The following SV2C variants were observed in gnomAD, a reference collection of about 807,000 sequenced individuals.
The protein encoded by SV2C is solute carrier family 22 member B3.
A neutral mutation model predicts 79.7 loss-of-function variants in SV2C; 49 were observed. The observed-to-expected ratio is 0.61, with a 90% confidence interval of 0.49 to 0.78. SV2C has a LOEUF of 0.78. Ranked by LOEUF, SV2C falls within the 30% of genes least tolerant of loss-of-function variation. The pLI is 0.00. For synonymous variants in SV2C, 334 were observed against 333.2 expected (o/e 1.00, Z -0.03); for missense variants, 833 against 912.9 (o/e 0.91, Z 1.13).
the SV2C span, among the ~76,000 whole-genome samples, chr5:75,877,301 AAG>A: frequency 3.9e-5 from 6 of 152,096 alleles, no homozygotes; most frequent in Admixed American, 3.9e-4. Flanking sequence ...GAAGCAAATA[AAG>A]AGAGAAATAA....
At chr5:76,046,247 G>C in the SV2C span, among the ~76,000 whole-genome samples, 1 of 151,920 alleles carries the variant, frequency 6.6e-6, no homozygotes, top group Admixed American at 6.5e-5. Flanking sequence ...AAGACACTTT[G>C]ATCTTTATAA....
chr5:76,066,192 C>G, the SV2C span, among the ~76,000 whole-genome samples: 1 of 151,862 alleles, frequency 6.6e-6, no homozygotes, highest in East Asian at 1.9e-4. Context: ...AGACTTGGAA[C>G]CAACCCAAAT....
At chr5:75,967,838 C>A in the SV2C span, among the ~76,000 whole-genome samples, 19 of 152,184 alleles carry the variant, frequency 1.2e-4, no homozygotes, top group African/African-American at 4.6e-4. Flanking sequence ...TCTCCCAGCA[C>A]GCAGCTTGAG....
chr5:76,079,696 G>T, upstream of SV2C: 1 of 326,216 alleles, frequency 3.1e-6, no homozygotes, highest in Non-Finnish European at 6.1e-6. Flanking sequence ...AATTCTCAAA[G>T]GAGATCGTCT....
chr5:76,306,088 C>T (rs183080972), intron 12 of SV2C, among the ~76,000 whole-genome samples: 2 of 152,282 alleles, frequency 1.3e-5, no homozygotes, highest in Non-Finnish European at 1.5e-5. Context: ...CAATCTGTAA[C>T]CAGAGCTGGA....
At chr5:76,300,976 A>G in intron 11 of SV2C, 44 bp downstream of exon 11, 2 of 1,603,352 alleles carry the variant, frequency 1.2e-6, no homozygotes, top group Non-Finnish European at 1.7e-6. Flanking sequence ...TGCCCCTGCA[A>G]TCCAGAGGGA....
At chr5:76,059,485 T>A in the SV2C span, among the ~76,000 whole-genome samples, 1 of 106,942 alleles carries the variant, frequency 9.4e-6, no homozygotes, top group South Asian at 3.7e-4. Context: ...TCTGAAGAAA[T>A]CCTTTTTTTT....
chr5:75,974,385 T>A, the SV2C span, among the ~76,000 whole-genome samples: 1 of 152,150 alleles, frequency 6.6e-6, no homozygotes, highest in Admixed American at 6.6e-5. Flanking sequence ...AAGGGAAATG[T>A]CAGTAAAATA....
At chr5:76,042,964 GT>G in the SV2C span, among the ~76,000 whole-genome samples, 2 of 152,148 alleles carry the variant, frequency 1.3e-5, no homozygotes, top group Non-Finnish European at 2.9e-5. Flanking sequence ...ACTTTGATTG[GT>G]TTGGCCAATA....
the SV2C span, among the ~76,000 whole-genome samples, chr5:75,995,663 A>C: frequency 6.6e-6 from 1 of 152,136 alleles, no homozygotes; most frequent in Admixed American, 6.6e-5. Flanking sequence ...ATGTAGGTTA[A>C]AATGCTTTGA....
At chr5:75,934,302 C>CTTTTTTTTTTTTTTT in the SV2C span, among the ~76,000 whole-genome samples, 17 of 107,826 alleles carry the variant, frequency 1.6e-4, no homozygotes, top group African/African-American at 3.4e-4. Flanking sequence ...TTCTTTCTTT[C>CTTTTTTTTTTTTTTT]TTTTTTTTTT....
the SV2C span, among the ~76,000 whole-genome samples, chr5:75,873,751 T>TA: frequency 2.8e-3 from 427 of 152,026 alleles, 10 homozygotes; most frequent in East Asian, 0.035. Context: ...CCACAGAAAT[T>TA]AAAAAAAGAA....
chr5:75,971,771 A>G, the SV2C span, among the ~76,000 whole-genome samples: 1 of 152,160 alleles, frequency 6.6e-6, no homozygotes, highest in African/African-American at 2.4e-5. Context: ...TATAGGTTCA[A>G]TGCCATCCCC....
chr5:76,194,779 G>C, intron 2 of SV2C, 140 bp from the exon 3 acceptor site: 1 of 983,602 alleles, frequency 1.0e-6, no homozygotes, highest in East Asian at 2.4e-5. Context: ...ACTGATTACT[G>C]TGTCCTGAAG....
chr5:76,315,092 C>CTT (rs1265260827), intron 12 of SV2C, among the ~76,000 whole-genome samples: 1 of 151,952 alleles, frequency 6.6e-6, no homozygotes, highest in Non-Finnish European at 1.5e-5. Context: ...CAGCTCACAA[C>CTT]TTGTAGGTGA....
At chr5:76,102,320 C>G (rs1160567820) in intron 1 of SV2C, among the ~76,000 whole-genome samples, 1 of 152,122 alleles carries the variant, frequency 6.6e-6, no homozygotes, top group Admixed American at 6.6e-5. Flanking sequence ...CACCCACCCA[C>G]CAGATCACAT....
chr5:76,201,756 T>C (rs573661368), intron 3 of SV2C, among the ~76,000 whole-genome samples: 109 of 152,154 alleles, frequency 7.2e-4, no homozygotes, highest in Non-Finnish European at 1.5e-3. Flanking sequence ...CGGTGGCTCA[T>C]GCCTGTAATC....
At chr5:76,318,959 C>T (rs556719376) in intron 12 of SV2C, among the ~76,000 whole-genome samples, 4 of 152,208 alleles carry the variant, frequency 2.6e-5, no homozygotes, top group Non-Finnish European at 4.4e-5. Context: ...GCAAAGGTGA[C>T]TCGTACTTTG....
At chr5:76,047,392 A>G in the SV2C span, among the ~76,000 whole-genome samples, 1 of 152,266 alleles carries the variant, frequency 6.6e-6, no homozygotes, top group South Asian at 2.1e-4. Flanking sequence ...ATTTTATCCA[A>G]CATTATGTTT....
Sources: allele counts gnomAD v4.1 joint callset (sites outside exome capture counted in the v4.1 genomes callset), GRCh38; gene constraint gnomAD v4.1.1; transcripts MANE v1.5; gene names NCBI Gene and HGNC (gene_info 2026-07-23, HGNC 2026-07-21).